The following LINGO3 variants were observed in gnomAD, a reference collection of about 807,000 sequenced individuals.
LINGO3 encodes leucine-rich repeat and immunoglobulin-like domain-containing nogo receptor-interacting protein 3.
For missense variants in LINGO3, 750 were observed against 867.7 expected (o/e 0.86, Z 1.70); for synonymous variants, 427 against 444.2 (o/e 0.96, Z 0.49).
At chr19:2,298,517 C>T in the LINGO3 span, among the ~76,000 whole-genome samples, 2 of 148,800 alleles carry the variant, frequency 1.3e-5, no homozygotes, top group East Asian at 2.0e-4. Flanking sequence ...CAGGCATGAG[C>T]CACCGTGCTG....
chr19:2,289,944 C>T, exon 1 of LINGO3: 2 of 1,417,864 alleles, frequency 1.4e-6, no homozygotes, highest in South Asian at 2.7e-5. Flanking sequence ...TAGGTGGACA[C>T]GCGAGCGGCC....
At chr19:2,293,603 A>G (rs8110704), upstream of LINGO3, among the ~76,000 whole-genome samples, 62,241 of 149,220 alleles carry the variant, frequency 0.42, 16,773 homozygotes, top group African/African-American at 0.74. Flanking sequence ...CGGGTAATCC[A>G]CCGGCCTTGG....
At chr19:2,294,787 A>G (rs1182011365), upstream of LINGO3, among the ~76,000 whole-genome samples, 3 of 149,194 alleles carry the variant, frequency 2.0e-5, no homozygotes, top group Non-Finnish European at 3.0e-5. The surrounding 1 kb of genome is among the most constrained non-coding windows in gnomAD (Gnocchi z 4.3). Flanking sequence ...GCTGCAGCCA[A>G]GATTCTGGGG....
downstream of LINGO3, among the ~76,000 whole-genome samples, chr19:2,287,230 T>A (rs1599162143): frequency 6.6e-6 from 1 of 150,428 alleles, no homozygotes. The surrounding 1 kb of genome is among the most constrained non-coding windows in gnomAD (Gnocchi z 4.5). Flanking sequence ...GGGGTGGGGG[T>A]GCTGAGGGGT....
the LINGO3 span, among the ~76,000 whole-genome samples, chr19:2,302,281 G>C: frequency 1.3e-5 from 2 of 151,976 alleles, no homozygotes; most frequent in Admixed American, 1.3e-4. Context: ...GGATGGTCTC[G>C]AACTCCTGAC....
chr19:2,296,740 G>C (rs1238547695), upstream of LINGO3, among the ~76,000 whole-genome samples: 1 of 151,040 alleles, frequency 6.6e-6, no homozygotes, highest in Non-Finnish European at 1.5e-5. Flanking sequence ...GCCTCTCAAA[G>C]TGCTGGGATT....
At chr19:2,305,092 G>A in the LINGO3 span, among the ~76,000 whole-genome samples, 2 of 152,092 alleles carry the variant, frequency 1.3e-5, no homozygotes, top group African/African-American at 4.8e-5. Context: ...GTGGTTCCCA[G>A]CCACTGCTGT....
upstream of LINGO3, among the ~76,000 whole-genome samples, chr19:2,292,745 C>T (rs2025538537): frequency 1.3e-5 from 2 of 152,140 alleles, no homozygotes; most frequent in South Asian, 4.1e-4. Context: ...CTGCCTCCGC[C>T]TCCCAAAGTG....
chr19:2,307,297 C>T, the LINGO3 span, among the ~76,000 whole-genome samples: 4 of 152,336 alleles, frequency 2.6e-5, no homozygotes, highest in East Asian at 1.9e-4. Flanking sequence ...GCCGGGACAC[C>T]GGCACCGTTA....
exon 1 of LINGO3, chr19:2,291,798 G>A: frequency 4.8e-6 from 7 of 1,458,116 alleles, no homozygotes; most frequent in South Asian, 1.3e-5. Flanking sequence ...TGGGCCTAGG[G>A]CCGCGCCACC....
At chr19:2,288,643 C>T (rs987361711), downstream of LINGO3, among the ~76,000 whole-genome samples, 1 of 152,104 alleles carries the variant, frequency 6.6e-6, no homozygotes, top group Non-Finnish European at 1.5e-5. The surrounding 1 kb of genome is among the most constrained non-coding windows in gnomAD (Gnocchi z 6.5). Flanking sequence ...GGTGATGGCT[C>T]CTTCTTGTGG....
chr19:2,304,781 C>T, the LINGO3 span, among the ~76,000 whole-genome samples: 358 of 143,250 alleles, frequency 2.5e-3, 2 homozygotes, highest in African/African-American at 9.0e-3. Context: ...GATCTTGGCT[C>T]ACTGCAACCT....
upstream of LINGO3, among the ~76,000 whole-genome samples, chr19:2,296,022 C>G (rs984102600): frequency 2.0e-5 from 3 of 152,120 alleles, no homozygotes; most frequent in Non-Finnish European, 4.4e-5. Flanking sequence ...CATGCCCCCC[C>G]CAACCCCGGA....
exon 1 of LINGO3, chr19:2,291,865 C>T (rs1409150307): frequency 1.7e-6 from 2 of 1,194,774 alleles, no homozygotes; most frequent in East Asian, 3.1e-5. Flanking sequence ...ACCGTTAGCA[C>T]CCCTCCGCGG....
At chr19:2,291,435 C>T (rs984208851) in exon 1 of LINGO3, 2 of 1,613,196 alleles carry the variant, frequency 1.2e-6, no homozygotes, top group Non-Finnish European at 1.7e-6. Flanking sequence ...GGATGAGCTT[C>T]AGCTGGTTGC....
In LINGO3 at chr19:2,290,038, C is replaced by A. The variant is rs1326052677; in HGVS notation, c.1739G>T (p.Gly580Val). The A allele has an allele frequency of 6.5e-7, 1 of 1,549,798 alleles. No homozygotes were observed. Reference sequence around the variant, plus strand: ...GTTGAACTTGCGCGCGCCTCCCTGGCCCGCCGCGGCGGCCGGCCCATCCAC... The same window carrying A: ...GTTGAACTTGCGCGCGCCTCCCTGGACCGCCGCGGCGGCCGGCCCATCCAC... Residue 580 changes from glycine to valine, a missense_variant, in exon 1 of 1, where the codon GGC becomes GTC. Transcript: ENST00000585527. The surrounding 1 kb of genome is among the most constrained non-coding windows in gnomAD (Gnocchi z 6.0).
At chr19:2,307,504 T>A in the LINGO3 span, among the ~76,000 whole-genome samples, 2 of 151,800 alleles carry the variant, frequency 1.3e-5, no homozygotes, top group Non-Finnish European at 2.9e-5. Flanking sequence ...GGCCCACCAT[T>A]TCTGGTGCTA....
the LINGO3 span, among the ~76,000 whole-genome samples, chr19:2,303,253 C>T: frequency 1.3e-5 from 2 of 152,182 alleles, no homozygotes; most frequent in Non-Finnish European, 2.9e-5. Flanking sequence ...GCGTCTTTCC[C>T]CCAGCGTCAA....
At chr19:2,307,728 C>T in the LINGO3 span, among the ~76,000 whole-genome samples, 1 of 152,140 alleles carries the variant, frequency 6.6e-6, no homozygotes, top group Non-Finnish European at 1.5e-5. Flanking sequence ...GGACGTTCCC[C>T]ACACCCCAGA....
Sources: allele counts gnomAD v4.1 joint callset (sites outside exome capture counted in the v4.1 genomes callset), GRCh38; gene constraint gnomAD v4.1.1; non-coding constraint Gnocchi (gnomAD v3.1); transcripts MANE v1.5; gene names NCBI Gene and HGNC (gene_info 2026-07-23, HGNC 2026-07-21).